The following SLC5A4 variants were observed in gnomAD, a reference collection of about 807,000 sequenced individuals.
SLC5A4 encodes the protein solute carrier family 5 member 4.
In SLC5A4, 55 loss-of-function variants were observed where a neutral mutation model predicts 70.3. That is an observed-to-expected ratio of 0.78 (90% CI 0.63 to 0.98). The LOEUF (loss-of-function observed/expected upper bound fraction) is 0.98, where lower values mean the gene tolerates loss of function less well. Among genes scored for constraint, SLC5A4 ranks in the 50% least tolerant of loss-of-function variants. The pLI, the probability that SLC5A4 is intolerant of heterozygous loss-of-function variation, is 0.00. For missense variants in SLC5A4, 735 were observed against 839.2 expected (o/e 0.88, Z 1.53); for synonymous variants, 268 against 305.7 (o/e 0.88, Z 1.29).
chr22:32,300,846 T>C, the SLC5A4 span, among the ~76,000 whole-genome samples: 10 of 152,044 alleles, frequency 6.6e-5, no homozygotes, highest in African/African-American at 2.4e-4. Context: ...CATCATTTTA[T>C]TTCTGTCATA....
chr22:32,292,387 A>G, the SLC5A4 span, among the ~76,000 whole-genome samples: 1 of 147,300 alleles, frequency 6.8e-6, no homozygotes, highest in Non-Finnish European at 1.5e-5. Flanking sequence ...ATATGTACAT[A>G]CTAGATATAT....
the SLC5A4 span, among the ~76,000 whole-genome samples, chr22:32,317,447 CTTTTT>C: frequency 6.6e-6 from 1 of 151,956 alleles, no homozygotes; most frequent in East Asian, 1.9e-4. Context: ...ACTCCATGTT[CTTTTT>C]TTAATTTTTA....
At chr22:32,242,921 A>G (rs1603232903) in intron 5 of SLC5A4, among the ~76,000 whole-genome samples, 1 of 152,224 alleles carries the variant, frequency 6.6e-6, no homozygotes, top group African/African-American at 2.4e-5. Flanking sequence ...ATTGGATCTG[A>G]TAAGAACCAT....
chr22:32,271,080 A>T, the SLC5A4 span: 6 of 588,160 alleles, frequency 1.0e-5, no homozygotes, highest in South Asian at 1.9e-5. Flanking sequence ...CCCAGCAAGG[A>T]GGTGGCCCGA....
At chr22:32,320,437 A>G in the SLC5A4 span, among the ~76,000 whole-genome samples, 230 of 152,370 alleles carry the variant, frequency 1.5e-3, 1 homozygote, top group African/African-American at 5.4e-3. Flanking sequence ...GGGTCACAGC[A>G]GAAGATTAGG....
chr22:32,273,840 C>T, the SLC5A4 span, among the ~76,000 whole-genome samples: 6 of 152,144 alleles, frequency 3.9e-5, no homozygotes, highest in African/African-American at 1.4e-4. Flanking sequence ...ACTTTAAATG[C>T]TATTACAGAT....
At chr22:32,347,428 A>C in the SLC5A4 span, among the ~76,000 whole-genome samples, 4 of 152,238 alleles carry the variant, frequency 2.6e-5, no homozygotes, top group East Asian at 1.9e-4. Context: ...TGGCACTATT[A>C]ACAATAGCAA....
chr22:32,297,567 G>A, the SLC5A4 span, among the ~76,000 whole-genome samples: 1 of 103,490 alleles, frequency 9.7e-6, no homozygotes, highest in African/African-American at 3.6e-5. Flanking sequence ...AGTCTTGCTA[G>A]CGGTCTATCA....
the SLC5A4 span, among the ~76,000 whole-genome samples, chr22:32,343,493 G>A: frequency 2.0e-5 from 3 of 152,342 alleles, no homozygotes; most frequent in East Asian, 5.8e-4. Context: ...ATGGAGAAAA[G>A]TAGGGTTGCT....
intron 5 of SLC5A4, among the ~76,000 whole-genome samples, chr22:32,244,368 T>G (rs1926702555): frequency 6.6e-6 from 1 of 152,236 alleles, no homozygotes; most frequent in African/African-American, 2.4e-5. Context: ...GGGCGAGTAT[T>G]ACACCACAGC....
At chr22:32,264,385 C>A in the SLC5A4 span, among the ~76,000 whole-genome samples, 1 of 151,930 alleles carries the variant, frequency 6.6e-6, no homozygotes. Flanking sequence ...CCAGCCAGGG[C>A]AACATGGTGA....
the SLC5A4 span, among the ~76,000 whole-genome samples, chr22:32,294,031 C>T: frequency 6.7e-4 from 102 of 151,700 alleles, no homozygotes; most frequent in Middle Eastern, 3.4e-3. Context: ...CCTTTTCTGA[C>T]TGCTTTTAAG....
the SLC5A4 span, among the ~76,000 whole-genome samples, chr22:32,261,079 G>A: frequency 6.7e-6 from 1 of 149,532 alleles, no homozygotes; most frequent in Non-Finnish European, 1.5e-5. Flanking sequence ...AAAAAGTCAC[G>A]AGCACTAGAA....
At chr22:32,319,435 G>A in the SLC5A4 span, among the ~76,000 whole-genome samples, 1 of 150,552 alleles carries the variant, frequency 6.6e-6, no homozygotes, top group Non-Finnish European at 1.5e-5. Flanking sequence ...AATCAAACTG[G>A]AACTCTCACC....
chr22:32,317,333 A>C, the SLC5A4 span, among the ~76,000 whole-genome samples: 1 of 152,048 alleles, frequency 6.6e-6, no homozygotes, highest in Non-Finnish European at 1.5e-5. Flanking sequence ...TGAATTGCCC[A>C]ACTCAAAAAG....
At chr22:32,342,040 A>G in the SLC5A4 span, among the ~76,000 whole-genome samples, 2 of 152,220 alleles carry the variant, frequency 1.3e-5, no homozygotes, top group Non-Finnish European at 2.9e-5. Context: ...CTGTTCACCA[A>G]TGTATCACCA....
the SLC5A4 span, among the ~76,000 whole-genome samples, chr22:32,337,799 TAATA>T: frequency 7.2e-5 from 11 of 152,198 alleles, no homozygotes; most frequent in East Asian, 3.9e-4. Context: ...AGTCACCACT[TAATA>T]AATTTCCACC....
chr22:32,282,785 T>C, the SLC5A4 span, among the ~76,000 whole-genome samples: 2 of 152,204 alleles, frequency 1.3e-5, no homozygotes, highest in South Asian at 2.1e-4. Flanking sequence ...GCCAGGAGCC[T>C]GTGTTTGTTC....
the SLC5A4 span, among the ~76,000 whole-genome samples, chr22:32,280,597 G>C: frequency 6.6e-6 from 1 of 152,170 alleles, no homozygotes; most frequent in East Asian, 1.9e-4. Flanking sequence ...GCTGTGTATA[G>C]GTTCCTGTTT....
Sources: gnomAD v4.1 joint callset for allele counts (sites outside exome capture counted in the v4.1 genomes callset) on GRCh38, gnomAD v4.1.1 for gene constraint, MANE v1.5 for transcripts, NCBI Gene and HGNC (gene_info 2026-07-23, HGNC 2026-07-21) for gene names.